The following MICU3 variants were observed in gnomAD, a reference collection of about 807,000 sequenced individuals.
MICU3 encodes mitochondrial calcium uptake 3, also known as calcium uptake protein 3, mitochondrial.
Under a neutral mutation model 66.5 loss-of-function variants are expected in MICU3, and 62 were observed. The observed-to-expected ratio is 0.93, with a 90% CI of 0.76 to 1.15. The LOEUF is 1.15. MICU3 is among the 50% of genes most tolerant of loss of function. The probability of loss-of-function intolerance (pLI) is 0.00; values close to 1 mark genes in which losing one functional copy is unlikely to be tolerated. For synonymous variants in MICU3, 308 were observed against 240.7 expected, an observed-to-expected ratio of 1.28 and a Z score of -2.59; for missense variants, 779 against 664.4, an observed-to-expected ratio of 1.17 and a Z score of -1.90.
intron 3 of MICU3, among the ~76,000 whole-genome samples, chr8:17,071,386 TCTTTC>T (rs1819563927): frequency 6.6e-6 from 1 of 152,180 alleles, no homozygotes; most frequent in Admixed American, 6.5e-5. Context: ...CTTCACATGG[TCTTTC>T]CTCTGGGCAT....
At chr8:17,099,764 T>TA (rs911274651) in intron 9 of MICU3, among the ~76,000 whole-genome samples, 42 of 151,862 alleles carry the variant, frequency 2.8e-4, no homozygotes, top group African/African-American at 8.7e-4. Context: ...CTGGGACTCT[T>TA]AGAGTGCATA....
At chr8:17,084,079 G>C (rs1821589238) in intron 5 of MICU3, among the ~76,000 whole-genome samples, 1 of 152,016 alleles carries the variant, frequency 6.6e-6, no homozygotes, top group African/African-American at 2.4e-5. Flanking sequence ...AATAATTATG[G>C]GATATTGTTT....
chr8:17,133,210 A>T, the MICU3 span: 32 of 152,232 alleles, frequency 2.1e-4, no homozygotes, highest in Admixed American at 2.0e-3. Flanking sequence ...TATTCTGGTT[A>T]TGATGGGGAA....
At chr8:17,134,732 C>T in the MICU3 span, among the ~76,000 whole-genome samples, 5 of 152,334 alleles carry the variant, frequency 3.3e-5, no homozygotes, top group South Asian at 1.0e-3. Context: ...GCGTGAGCCA[C>T]CACACTGGCC....
intron 8 of MICU3, among the ~76,000 whole-genome samples, chr8:17,094,786 T>G (rs1232034509): frequency 6.6e-6 from 1 of 152,040 alleles, no homozygotes; most frequent in African/African-American, 2.4e-5. Context: ...GTGTTCTTTC[T>G]TAAGACAACC....
Position 17,090,421 on chromosome 8 carries a change from A to G in MICU3, c.850-125A>G, listed in dbSNP as rs574218217. ...TGTATTGTTCGTGTGCTCTATATAA[A>G]ATGTAGCATAATGATTTGCCCTTCC... On this transcript the variant is annotated intron_variant, in intron 7 of 14. Transcript: ENST00000318063. 31 of 726,774 alleles carry G rather than the reference A, an allele frequency of 4.3e-5. No individual in the cohort carries two copies. In the East Asian group the frequency reaches 7.6e-4, roughly 18 times the overall value. 45.0% of individuals were successfully genotyped at this position (726,774 alleles called of 1,614,324 possible).
At chr8:17,127,932 G>C in the MICU3 span, among the ~76,000 whole-genome samples, 2 of 152,110 alleles carry the variant, frequency 1.3e-5, no homozygotes, top group Non-Finnish European at 2.9e-5. Context: ...AAGTAGCCAG[G>C]AGTGGAAACT....
chr8:17,076,100 C>A (rs1200244745), intron 3 of MICU3, among the ~76,000 whole-genome samples: 2 of 152,072 alleles, frequency 1.3e-5, no homozygotes, highest in Non-Finnish European at 2.9e-5. Flanking sequence ...GATCATGGCT[C>A]ACTATAGCCT....
intron 9 of MICU3, among the ~76,000 whole-genome samples, chr8:17,100,653 A>T (rs1034724355): frequency 1.3e-5 from 2 of 151,678 alleles, no homozygotes; most frequent in East Asian, 1.9e-4. Flanking sequence ...TCTGTTTATT[A>T]TAGGGAAATT....
chr8:17,069,712 C>T lies in MICU3; in HGVS notation c.560C>T (p.Ser187Phe), dbSNP rs2150668333. The change falls in exon 3 of 15, where the codon TCC (serine) becomes TTC (phenylalanine). Residue 187 changes from serine (S) to phenylalanine (F), a missense_variant. Transcript: ENST00000318063. Reference sequence around the variant, plus strand: ...GTTGCCAAAACTTGGAAGTCACTTTCCAAACAGGTGAGTTAAAGCTCTTGG... The same window carrying T: ...GTTGCCAAAACTTGGAAGTCACTTTTCAAACAGGTGAGTTAAAGCTCTTGG... ...PKVAKTWKSL[S>F]KQELNQMLAE... The T allele has an allele frequency of 1.9e-6, 3 of 1,543,290 alleles. No individual in the cohort carries two copies. Among genetic ancestry groups the T allele is most frequent in the Non-Finnish European group, 2.6e-6 (3 of 1,139,362 alleles).
At chr8:17,112,388 G>A (rs974294073) in intron 11 of MICU3, among the ~76,000 whole-genome samples, 1 of 152,134 alleles carries the variant, frequency 6.6e-6, no homozygotes, top group Non-Finnish European at 1.5e-5. Context: ...TATTCCAGTA[G>A]TGATTCTGAG....
chr8:17,028,347 C>G (rs1181957409), intron 1 of MICU3, among the ~76,000 whole-genome samples: 1 of 152,116 alleles, frequency 6.6e-6, no homozygotes, highest in Non-Finnish European at 1.5e-5. Context: ...ATGACACAAA[C>G]TCCTACAGAA....
At chr8:17,123,414 G>A (rs1452930570), downstream of MICU3, among the ~76,000 whole-genome samples, 1 of 151,970 alleles carries the variant, frequency 6.6e-6, no homozygotes, top group Non-Finnish European at 1.5e-5. Context: ...AGAATGGAGA[G>A]GGATCTGAAT....
intron 11 of MICU3, among the ~76,000 whole-genome samples, chr8:17,110,128 A>C (rs1320845424): frequency 1.3e-5 from 2 of 152,224 alleles, no homozygotes; most frequent in Non-Finnish European, 1.5e-5. Flanking sequence ...GCTTATATAC[A>C]CTTGAAAGCC....
At chr8:17,116,926 G>A (rs1802738684) in intron 13 of MICU3, among the ~76,000 whole-genome samples, 1 of 152,036 alleles carries the variant, frequency 6.6e-6, no homozygotes, top group African/African-American at 2.4e-5. Context: ...TTTCGGACTT[G>A]TTACTATACA....
intron 1 of MICU3, among the ~76,000 whole-genome samples, chr8:17,056,610 G>C (rs1816970831): frequency 6.6e-6 from 1 of 152,246 alleles, no homozygotes; most frequent in Non-Finnish European, 1.5e-5. Context: ...AGGAGTACAA[G>C]TGATGTAATA....
intron 1 of MICU3, among the ~76,000 whole-genome samples, chr8:17,063,745 G>T (rs201948463): frequency 6.6e-6 from 1 of 152,014 alleles, no homozygotes. Flanking sequence ...TTCAGCAAGC[G>T]CTGGTGTTCC....
At chr8:17,102,352 C>G (rs913285456) in intron 9 of MICU3, 6 of 151,934 alleles carry the variant, frequency 3.9e-5, no homozygotes, top group East Asian at 1.9e-4. Context: ...TTAAATCACA[C>G]AAAGAGTGCC....
chr8:17,085,245 C>T lies in MICU3; in HGVS notation c.704C>T (p.Ala235Val). The T allele has an allele frequency of 1.2e-6, 2 of 1,604,060 alleles. No homozygotes were observed. Among genetic ancestry groups the T allele is most frequent in the Non-Finnish European group, 1.7e-6 (2 of 1,174,778 alleles). Residue 235 changes from alanine to valine, a missense_variant, in exon 6 of 15, where the codon GCA becomes GTA. Physicochemically the swap from Ala to Val is moderately conservative, Grantham distance 64. Transcript: ENST00000318063. ...FLLCILTKPH[A>V]GFRIAFNMFD... Reference sequence around the variant, plus strand: ...CTGTTTTTTCTGGCAGAGCCACATGCAGGGTTCAGAATAGCTTTCAACATG... The same window carrying T: ...CTGTTTTTTCTGGCAGAGCCACATGTAGGGTTCAGAATAGCTTTCAACATG...
Sources: allele counts gnomAD v4.1 joint callset (sites outside exome capture counted in the v4.1 genomes callset), GRCh38; gene constraint gnomAD v4.1.1; transcripts MANE v1.5; gene names NCBI Gene and HGNC (gene_info 2026-07-23, HGNC 2026-07-21).